Variants in TMEM163 observed in about 807,000 individuals in gnomAD.
TMEM163 encodes transmembrane protein 163.
A neutral mutation model predicts 29.3 loss-of-function variants in TMEM163; 17 were observed. The ratio of observed to expected loss-of-function variants is 0.58; its 90% CI spans 0.40 to 0.87. The LOEUF (loss-of-function observed/expected upper bound fraction) is 0.87. Ranked by LOEUF, TMEM163 falls within the 40% of genes least tolerant of loss-of-function variation. TMEM163 has a pLI of 0.00. For synonymous variants in TMEM163, 157 were observed against 160.6 expected (o/e 0.98, Z 0.17); for missense variants, 303 against 381.5 (o/e 0.79, Z 1.71).
chr2:134,619,817 A>G (rs1322402109), intron 2 of TMEM163, among the ~76,000 whole-genome samples: 3 of 152,222 alleles, frequency 2.0e-5, no homozygotes, highest in African/African-American at 7.2e-5. Flanking sequence ...AAAACTACTG[A>G]AGTAAAAAAC....
intron 5 of TMEM163, among the ~76,000 whole-genome samples, chr2:134,471,026 G>A (rs1268778652): frequency 6.6e-6 from 1 of 152,154 alleles, no homozygotes; most frequent in Admixed American, 6.5e-5. Context: ...GTAAATATTA[G>A]CCAGGCATAG....
chr2:134,676,874 C>T (rs997742868), intron 2 of TMEM163, among the ~76,000 whole-genome samples: 4 of 152,074 alleles, frequency 2.6e-5, no homozygotes, highest in Admixed American at 6.5e-5. Flanking sequence ...GGAGCCAGTG[C>T]TAAATGAGAA....
At chr2:134,558,063 A>C (rs1020872145) in intron 2 of TMEM163, among the ~76,000 whole-genome samples, 1 of 152,206 alleles carries the variant, frequency 6.6e-6, no homozygotes, top group Non-Finnish European at 1.5e-5. Flanking sequence ...AGTCAAGAGA[A>C]ACCAGATCTG....
chr2:134,459,939 T>C (rs1361967474), intron 6 of TMEM163, among the ~76,000 whole-genome samples: 3 of 152,044 alleles, frequency 2.0e-5, no homozygotes, highest in Non-Finnish European at 4.4e-5. Flanking sequence ...ACCACAGCCA[T>C]GACAAAGCCC....
chr2:134,646,158 T>C, intron 2 of TMEM163, among the ~76,000 whole-genome samples: 1 of 151,970 alleles, frequency 6.6e-6, no homozygotes, highest in East Asian at 1.9e-4. Context: ...GATCTCAGCT[T>C]ACTGCAACCT....
At chr2:134,576,686 T>C (rs961599438) in intron 2 of TMEM163, among the ~76,000 whole-genome samples, 12 of 152,176 alleles carry the variant, frequency 7.9e-5, no homozygotes, top group Admixed American at 2.0e-4. Context: ...GCAGGGGTCA[T>C]ACCTTTCTTA....
chr2:134,713,061 G>T, intron 2 of TMEM163, 139 bp downstream of exon 2: 1 of 1,286,130 alleles, frequency 7.8e-7, no homozygotes, highest in Non-Finnish European at 1.1e-6. Context: ...TAATTTATCA[G>T]TACCCTGACT....
intron 2 of TMEM163, among the ~76,000 whole-genome samples, chr2:134,688,226 G>T (rs1196311966): frequency 6.6e-6 from 1 of 152,058 alleles, no homozygotes; most frequent in Non-Finnish European, 1.5e-5. Flanking sequence ...ATGTGCCTCG[G>T]CCCGAGCTGC....
chr2:134,651,418 G>A (rs1683476601), intron 2 of TMEM163, among the ~76,000 whole-genome samples: 1 of 124,488 alleles, frequency 8.0e-6, no homozygotes, highest in Admixed American at 8.0e-5. Flanking sequence ...AAATTTGTTT[G>A]AGTTCATTGT....
intron 2 of TMEM163, among the ~76,000 whole-genome samples, chr2:134,596,593 C>T (rs567076323): frequency 3.2e-4 from 48 of 152,270 alleles, no homozygotes; most frequent in African/African-American, 9.9e-4. Flanking sequence ...CTTGGCAATG[C>T]GAGCTCTTCT....
intron 2 of TMEM163, among the ~76,000 whole-genome samples, chr2:134,600,781 G>T (rs1311824487): frequency 6.6e-6 from 1 of 152,146 alleles, no homozygotes; most frequent in Non-Finnish European, 1.5e-5. Context: ...TTAGCCAGAG[G>T]TTCAGAAGTC....
intron 2 of TMEM163, among the ~76,000 whole-genome samples, chr2:134,653,072 G>A (rs1198272686): frequency 3.1e-5 from 4 of 126,986 alleles, no homozygotes; most frequent in Non-Finnish European, 6.3e-5. Flanking sequence ...AAATGAGTTA[G>A]GGAGGATTCC....
rs1208692599 is a variant in TMEM163 at position 134,510,281 on chromosome 2, T to G, written c.459-7284A>C. Reference sequence around the variant, plus strand: ...GATAAATATTAAGTTCATAAAAGGATAGGATAGCTAGTACACAGATAGGGC... The same window carrying G: ...GATAAATATTAAGTTCATAAAAGGAGAGGATAGCTAGTACACAGATAGGGC... On this transcript the variant is annotated intron_variant, in intron 4 of 7. Coordinates refer to ENST00000281924, the MANE Select transcript of TMEM163 (RefSeq NM_030923.5). Among the ~76,000 whole-genome samples the G allele has an allele frequency of 3.3e-5, 5 of 152,208 alleles. No individual in the cohort carries two copies. The East Asian group carries it at 9.7e-4, about 29-fold the overall frequency.
chr2:134,539,378 G>A (rs1278933590), intron 4 of TMEM163, among the ~76,000 whole-genome samples: 1 of 152,164 alleles, frequency 6.6e-6, no homozygotes, highest in East Asian at 1.9e-4. Context: ...GCACTGTGGT[G>A]GGGTCCTTCA....
chr2:134,665,199 A>G (rs2104862057), intron 2 of TMEM163, among the ~76,000 whole-genome samples: 1 of 152,312 alleles, frequency 6.6e-6, no homozygotes, highest in South Asian at 2.1e-4. Flanking sequence ...TAATAAAGAC[A>G]TACCCAGGAC....
At chr2:134,534,027 A>G (rs1450554226) in intron 4 of TMEM163, among the ~76,000 whole-genome samples, 1 of 152,074 alleles carries the variant, frequency 6.6e-6, no homozygotes, top group Non-Finnish European at 1.5e-5. Context: ...TTTCCTTCAC[A>G]GCTCTGCCTA....
At chr2:134,629,033 C>T (rs1251953836) in intron 2 of TMEM163, among the ~76,000 whole-genome samples, 1 of 152,204 alleles carries the variant, frequency 6.6e-6, no homozygotes, top group Non-Finnish European at 1.5e-5. Context: ...TATGACCTTA[C>T]ATCTTAAAAA....
In TMEM163 at chr2:134,551,043, C is replaced by T. The variant is rs867273880; in HGVS notation, c.367-382G>A. 2.6e-5 allele frequency among the ~76,000 whole-genome samples: 4 copies of T among 152,176 alleles called. No homozygotes were observed. The South Asian group carries it at 6.2e-4, about 24-fold the overall frequency. On this transcript the variant is annotated intron_variant, in intron 3 of 7. Transcript: ENST00000281924. ...TGAGAATTCTATTTTTGACTCTCAA[C>T]GGGACTATTCTATCTGGGGTCCAGG...
At chr2:134,487,194 C>T (rs12468553) in intron 5 of TMEM163, among the ~76,000 whole-genome samples, 17,490 of 152,100 alleles carry the variant, frequency 0.11, 1,240 homozygotes, top group South Asian at 0.2. Flanking sequence ...AACAAAGTGG[C>T]ATTATAAAAC....
Sources: gnomAD v4.1 joint callset for allele counts (sites outside exome capture counted in the v4.1 genomes callset) on GRCh38, gnomAD v4.1.1 for gene constraint, MANE v1.5 for transcripts, NCBI Gene and HGNC (gene_info 2026-07-23, HGNC 2026-07-21) for gene names.